Variants in LGR4 observed in about 807,000 individuals in gnomAD.
LGR4 encodes leucine-rich repeat-containing G protein-coupled receptor 4.
In LGR4, 44 loss-of-function variants were observed where a neutral mutation model predicts 84.8. The observed-to-expected ratio is 0.52, with a 90% CI of 0.41 to 0.67. The LOEUF (loss-of-function observed/expected upper bound fraction) is 0.67. Among genes scored for constraint, LGR4 ranks in the 30% least tolerant of loss-of-function variants. The pLI, the probability that LGR4 is intolerant of heterozygous loss-of-function variation, is 0.00. For synonymous variants in LGR4, 429 were observed against 434.3 expected, an observed-to-expected ratio of 0.99 and a Z score of 0.15; for missense variants, 1,032 against 1,131.4, an observed-to-expected ratio of 0.91 and a Z score of 1.26.
chr11:27,472,166 T>G lies in LGR4; in HGVS notation c.137A>C (p.Lys46Thr). 1 of 1,324,338 alleles carries G rather than the reference T, an allele frequency of 7.6e-7. No individual in the cohort carries two copies. Among genetic ancestry groups the G allele is most frequent in the Admixed American group, 3.0e-5 (1 of 33,554 alleles). 82.0% of individuals were successfully genotyped at this position (1,324,338 alleles called of 1,614,324 possible). Reference sequence around the variant, plus strand: ...CCCCTCGGGCACGGCCGTCAGCCCCTTCCCGGAGCAGTCCACCCGACGGTC... The same window carrying G: ...CCCCTCGGGCACGGCCGTCAGCCCCGTCCCGGAGCAGTCCACCCGACGGTC... ...DGDRRVDCSG[K>T]GLTAVPEGLS... The change falls in exon 1 of 18, where the codon AAG (lysine) becomes ACG (threonine). Residue 46 changes from lysine (K) to threonine (T), a missense_variant. Physicochemically the swap from Lys to Thr is moderately conservative, Grantham distance 78. Transcript: ENST00000379214.
chr11:27,392,370 A>T lies in LGR4; in HGVS notation c.329+77T>A. The T allele has an allele frequency of 2.6e-6, 3 of 1,136,360 alleles. No individual in the cohort carries two copies. The South Asian group carries it at 4.5e-5, about 17-fold the overall frequency. The allele number at this position is 1,136,360 out of a possible 1,614,324, so 70.4% of individuals were successfully genotyped here. On this transcript the variant is annotated intron_variant, in intron 3 of 17. Coordinates refer to ENST00000379214, the MANE Select transcript of LGR4 (RefSeq NM_018490.5). ...CCTGAACTAAAAGAAACTGTGCTTA[A>T]CCTAGTTCCAAGCATGTTGACTACG...
intron 2 of LGR4, among the ~76,000 whole-genome samples, chr11:27,404,930 T>C (rs1158162870): frequency 6.6e-6 from 1 of 152,148 alleles, no homozygotes; most frequent in Non-Finnish European, 1.5e-5. Context: ...TCCAGTAACA[T>C]ATGAAGCCAA....
At chr11:27,381,863 C>T (rs1034302497) in intron 7 of LGR4, among the ~76,000 whole-genome samples, 6 of 152,208 alleles carry the variant, frequency 3.9e-5, no homozygotes, top group African/African-American at 1.4e-4. Context: ...TTATCCTATT[C>T]ATTCAGCATT....
chr11:27,374,361 C>T (rs890269796), intron 13 of LGR4, among the ~76,000 whole-genome samples: 1 of 152,270 alleles, frequency 6.6e-6, no homozygotes. Context: ...TTTGGTACTG[C>T]TAACTCAGTG....
In LGR4 at chr11:27,373,653, G is replaced by A. The variant is rs1172779197; in HGVS notation, c.1277C>T (p.Thr426Ile). The change falls in exon 15 of 18, where the codon ACT (threonine) becomes ATT (isoleucine). Residue 426 changes from threonine to isoleucine, a missense_variant. By Grantham distance (89) the Thr-to-Ile change is moderately conservative. Coordinates refer to ENST00000379214, the MANE Select transcript of LGR4 (RefSeq NM_018490.5). ...TNLDVSFNELTSFPTEGLNGL... is the reference protein window; with the variant it reads ...TNLDVSFNELISFPTEGLNGL... ...ATTCAGGCCTTCCGTAGGAAAGGAA[G>A]TTAATTCATTGAAACTTACATCTCT... 2 of 1,583,700 alleles carry A rather than the reference G, an allele frequency of 1.3e-6. No homozygotes were observed. The highest frequency in any genetic ancestry group is 2.3e-5 in the East Asian group (1 of 44,342).
chr11:27,416,233 T>C (rs1432149215), intron 1 of LGR4, among the ~76,000 whole-genome samples: 3 of 152,120 alleles, frequency 2.0e-5, no homozygotes, highest in African/African-American at 7.2e-5. Context: ...TCCAGAGAGC[T>C]GATGGCCTTA....
At chr11:27,392,585 C>T in intron 2 of LGR4, 67 bp from the exon 3 acceptor site, 2 of 1,314,694 alleles carry the variant, frequency 1.5e-6, no homozygotes, top group South Asian at 2.8e-5. Context: ...TCAGAACTTA[C>T]AAAAACCTAA....
chr11:27,472,386 G>GC lies in LGR4; in HGVS notation c.-85dup. Reference sequence around the variant, plus strand: ...CGATGTCCCCCGCCGCCCCCGGGCAGCCGGCCTGCGGGCTGGAGCGGGGGT... The same window carrying GC: ...CGATGTCCCCCGCCGCCCCCGGGCAGCCCGGCCTGCGGGCTGGAGCGGGGGT... On this transcript the variant is annotated 5_prime_UTR_variant, in exon 1 of 18. Transcript: ENST00000379214. 1 of 1,098,006 alleles carries GC rather than the reference G, an allele frequency of 9.1e-7. No individual in the cohort carries two copies. Among genetic ancestry groups the GC allele is most frequent in the Non-Finnish European group, 1.1e-6 (1 of 874,512 alleles). 68.0% of individuals were successfully genotyped at this position (1,098,006 alleles called of 1,614,324 possible).
chr11:27,461,074 G>A (rs1864671318), intron 1 of LGR4, among the ~76,000 whole-genome samples: 1 of 152,084 alleles, frequency 6.6e-6, no homozygotes, highest in South Asian at 2.1e-4. Context: ...TTCTGAGAAA[G>A]ATTTAACCGT....
At chr11:27,402,782 G>C (rs939603619) in intron 2 of LGR4, among the ~76,000 whole-genome samples, 1 of 152,140 alleles carries the variant, frequency 6.6e-6, no homozygotes, top group African/African-American at 2.4e-5. Flanking sequence ...TGGCTACTGG[G>C]AACTATGCCC....
intron 1 of LGR4, among the ~76,000 whole-genome samples, chr11:27,462,214 ACT>A (rs1200282162): frequency 6.6e-6 from 1 of 152,172 alleles, no homozygotes; most frequent in Non-Finnish European, 1.5e-5. Context: ...TCACATTGAC[ACT>A]GTCTTTAAAG....
At chr11:27,467,561 C>T (rs1353466690) in intron 1 of LGR4, among the ~76,000 whole-genome samples, 6 of 109,032 alleles carry the variant, frequency 5.5e-5, no homozygotes, top group Non-Finnish European at 8.6e-5. Context: ...CGCAAGAGTC[C>T]GTCTCAAAAA....
At chr11:27,407,889 A>G (rs1469631528) in intron 2 of LGR4, among the ~76,000 whole-genome samples, 4 of 152,150 alleles carry the variant, frequency 2.6e-5, no homozygotes, top group African/African-American at 9.6e-5. Context: ...AAAAATGTAC[A>G]TATATTTTGT....
chr11:27,437,263 T>C (rs1864228048), intron 1 of LGR4, among the ~76,000 whole-genome samples: 1 of 152,086 alleles, frequency 6.6e-6, no homozygotes, highest in South Asian at 2.1e-4. Flanking sequence ...ATTTCTTCCC[T>C]AAAAATAGCC....
In LGR4 at chr11:27,369,114, C is replaced by T; in HGVS notation, c.1609G>A (p.Gly537Arg). 6.2e-7 allele frequency: 1 copy of T among 1,608,506 alleles called. No individual in the cohort carries two copies. Among genetic ancestry groups the T allele is most frequent in the Non-Finnish European group, 8.5e-7 (1 of 1,177,976 alleles). ...GAFKPCEYLL[G>R]SWMIRLTVWF... ...ACAGTAAGACGAATCATCCAGCTTC[C>T]CAGTAAATATTCACAGGGCTTAAAA... Residue 537 changes from glycine to arginine, a missense_variant, in exon 18 of 18, where the codon GGA becomes AGA. Physicochemically the swap from Gly to Arg is moderately radical, Grantham distance 125 (BLOSUM62 -2). Transcript: ENST00000379214.
At chr11:27,440,164 C>T (rs1352453396) in intron 1 of LGR4, among the ~76,000 whole-genome samples, 1 of 152,126 alleles carries the variant, frequency 6.6e-6, no homozygotes, top group Non-Finnish European at 1.5e-5. Flanking sequence ...CCTCGGCCTC[C>T]TAAAGTACTG....
chr11:27,452,681 T>C (rs1422921273), intron 1 of LGR4, among the ~76,000 whole-genome samples: 2 of 145,394 alleles, frequency 1.4e-5, no homozygotes, highest in South Asian at 4.5e-4. Context: ...TGGAGTGCAG[T>C]GGCGCGATCT....
chr11:27,398,406 C>T (rs971305811), intron 2 of LGR4, among the ~76,000 whole-genome samples: 1 of 152,204 alleles, frequency 6.6e-6, no homozygotes, highest in Admixed American at 6.5e-5. Flanking sequence ...TGTTATTTCT[C>T]TGAGAAATGA....
At chr11:27,407,945 T>A (rs374951755) in intron 2 of LGR4, among the ~76,000 whole-genome samples, 2 of 152,112 alleles carry the variant, frequency 1.3e-5, no homozygotes, top group Non-Finnish European at 2.9e-5. Context: ...ATTTGGGAAA[T>A]TGGAGTGAAG....
Sources: allele counts gnomAD v4.1 joint callset (sites outside exome capture counted in the v4.1 genomes callset), GRCh38; gene constraint gnomAD v4.1.1; transcripts MANE v1.5; gene names NCBI Gene and HGNC (gene_info 2026-07-23, HGNC 2026-07-21).